Variants in MAST2 observed in about 807,000 individuals in gnomAD.
MAST2 encodes the protein microtubule-associated serine/threonine-protein kinase 2.
Under a neutral mutation model 147.4 loss-of-function variants are expected in MAST2, and 70 were observed. The observed-to-expected ratio is 0.47, with a 90% confidence interval of 0.39 to 0.58. The LOEUF (loss-of-function observed/expected upper bound fraction) is 0.58. MAST2 is among the 20% of genes least tolerant of loss of function. The pLI is 0.00. For synonymous variants in MAST2, 869 were observed against 896.8 expected, an observed-to-expected ratio of 0.97 and a Z score of 0.55; for missense variants, 2,080 against 2,302.3, an observed-to-expected ratio of 0.90 and a Z score of 1.98.
At chr1:46,017,485 A>G (rs1208085054) in intron 10 of MAST2, among the ~76,000 whole-genome samples, 2 of 152,208 alleles carry the variant, frequency 1.3e-5, no homozygotes, top group African/African-American at 4.8e-5. Flanking sequence ...GAAAAAAACA[A>G]CCCCATCAAA....
chr1:46,006,490 A>T (rs1645491985), intron 8 of MAST2, 95 bp downstream of exon 8: 3 of 1,239,268 alleles, frequency 2.4e-6, no homozygotes, highest in East Asian at 5.0e-5. Flanking sequence ...AGGGGCCAAG[A>T]TAGTAAATAT....
intron 5 of MAST2, among the ~76,000 whole-genome samples, chr1:45,979,329 C>T (rs753344036): frequency 3.2e-4 from 49 of 152,062 alleles, no homozygotes; most frequent in Non-Finnish European, 1.3e-4. Context: ...TGGGATGAAT[C>T]ATCACTTACC....
chr1:45,845,372 A>G (rs1236840072), intron 3 of MAST2, among the ~76,000 whole-genome samples: 2 of 151,944 alleles, frequency 1.3e-5, no homozygotes, highest in African/African-American at 2.4e-5. Context: ...TTTATTTTTA[A>G]TTTTCAGAGG....
At chr1:45,964,648 T>A (rs1334450932) in intron 5 of MAST2, among the ~76,000 whole-genome samples, 2 of 152,348 alleles carry the variant, frequency 1.3e-5, no homozygotes, top group Middle Eastern at 3.4e-3. Flanking sequence ...TCAATTTTGT[T>A]GATCTTTTCA....
chr1:45,955,624 A>AGAGG (rs1172898290), intron 4 of MAST2, among the ~76,000 whole-genome samples: 1 of 152,168 alleles, frequency 6.6e-6, no homozygotes, highest in African/African-American at 2.4e-5. Context: ...ACCTGAAGGA[A>AGAGG]GAGGGGAGCA....
intron 3 of MAST2, among the ~76,000 whole-genome samples, chr1:45,858,484 T>G: frequency 6.6e-6 from 1 of 151,810 alleles, no homozygotes; most frequent in Non-Finnish European, 1.5e-5. Context: ...TGTAAATTTG[T>G]TTGAGTTCTT....
chr1:45,965,985 C>A (rs544395510), intron 5 of MAST2, among the ~76,000 whole-genome samples: 18 of 152,126 alleles, frequency 1.2e-4, no homozygotes, highest in Non-Finnish European at 2.5e-4. Context: ...ATCATACAGT[C>A]TTTTCACTGT....
At chr1:45,947,559 A>G (rs1177557484) in intron 4 of MAST2, among the ~76,000 whole-genome samples, 1 of 152,186 alleles carries the variant, frequency 6.6e-6, no homozygotes. Flanking sequence ...TCAGAGAGAG[A>G]AAACAACACC....
chr1:45,946,283 T>C (rs1349604245), intron 4 of MAST2, among the ~76,000 whole-genome samples: 2 of 152,146 alleles, frequency 1.3e-5, no homozygotes, highest in African/African-American at 4.8e-5. Context: ...GTTTTCTTGG[T>C]GGTGGGGAGA....
At chr1:46,018,926 A>C (rs1383685590) in intron 10 of MAST2, among the ~76,000 whole-genome samples, 1 of 152,234 alleles carries the variant, frequency 6.6e-6, no homozygotes, top group Non-Finnish European at 1.5e-5. Context: ...AATGCAGTAC[A>C]TTCTTTACCT....
intron 10 of MAST2, among the ~76,000 whole-genome samples, chr1:46,014,211 CATGTGCACA>C (rs1428379494): frequency 6.6e-6 from 1 of 151,456 alleles, no homozygotes; most frequent in Non-Finnish European, 1.5e-5. Context: ...TTTTAGGGTA[CATGTGCACA>C]ATGTGCAGGT....
intron 3 of MAST2, among the ~76,000 whole-genome samples, chr1:45,872,681 A>G (rs920414757): frequency 6.6e-6 from 1 of 152,070 alleles, no homozygotes; most frequent in Non-Finnish European, 1.5e-5. Context: ...GGGTTTCTCC[A>G]TGTTGGTCAG....
intron 4 of MAST2, among the ~76,000 whole-genome samples, chr1:45,923,113 G>C (rs1305376924): frequency 6.6e-6 from 1 of 152,158 alleles, no homozygotes; most frequent in African/African-American, 2.4e-5. Context: ...GCCCAGCTCT[G>C]CCCTAGTGCC....
rs149884179 is a variant in MAST2 at position 45,922,194 on chromosome 1, T to A, written c.501-37192T>A. On this transcript the variant is annotated intron_variant, in intron 4 of 28. Transcript: ENST00000361297. ...GCCTCAGAGGGGAGGAAGTGCATGC[T>A]GGTTGGTCCATGGGCGGCCATGGGT... Among the ~76,000 whole-genome samples the A allele has an allele frequency of 7.4e-3, 1,125 of 152,282 alleles. 16 individuals are homozygous for A. Among genetic ancestry groups the A allele is most frequent in the African/African-American group, 0.026 (1,062 of 41,566 alleles).
rs946061250 is a variant in MAST2 at position 46,028,672 on chromosome 1, A to G, written c.2053-96A>G. On this transcript the variant is annotated intron_variant, in intron 17 of 28. Transcript: ENST00000361297. Reference sequence around the variant, plus strand: ...AGGTGGGCTGAGTCTTCATTCAGAGATTCTTCTGCTCGAGATGGGAGCATC... The same window carrying G: ...AGGTGGGCTGAGTCTTCATTCAGAGGTTCTTCTGCTCGAGATGGGAGCATC... 4.6e-6 allele frequency: 6 copies of G among 1,310,918 alleles called. No individual in the cohort carries two copies. In the African/African-American group the frequency reaches 8.8e-5, roughly 19 times the overall value. 81.2% of individuals were successfully genotyped at this position (1,310,918 alleles called of 1,614,324 possible). A position where few individuals can be genotyped will look rare whatever the true frequency, so the allele number is the denominator to read the frequency against.
Position 46,035,985 on chromosome 1 carries a change from C to T in MAST2, c.5316C>T (p.Leu1772=). Residue 1772 remains leucine, a synonymous_variant, in exon 29 of 29, where the codon CTC becomes CTT. Coordinates refer to ENST00000361297, the MANE Select transcript of MAST2 (RefSeq NM_015112.3). The surrounding 1 kb of genome is among the most constrained non-coding windows in gnomAD (Gnocchi z 5.5). ...CPLTQKSEPS[L]RRGQEPGGHQ... is the part of the protein sequence containing the mutation. ...TCACCCAGAAGTCTGAGCCCAGCCTCAGGAGGGGCCAAGAACCAGGGGGCC... is the reference window on the plus strand; with the variant it reads ...TCACCCAGAAGTCTGAGCCCAGCCTTAGGAGGGGCCAAGAACCAGGGGGCC... The T allele has an allele frequency of 6.2e-6, 10 of 1,613,870 alleles. No individual in the cohort carries two copies. The highest frequency in any genetic ancestry group is 8.5e-6 in the Non-Finnish European group (10 of 1,180,038).
At chr1:46,006,427 C>A in intron 8 of MAST2, 32 bp downstream of exon 8, 1 of 1,592,764 alleles carries the variant, frequency 6.3e-7, no homozygotes, top group Non-Finnish European at 8.6e-7. Flanking sequence ...TGTTCCAGTG[C>A]ATGTGGATTT....
intron 22 of MAST2, 91 bp downstream of exon 22, chr1:46,030,852 G>A (rs1646631385): frequency 2.0e-6 from 3 of 1,478,276 alleles, no homozygotes; most frequent in African/African-American, 1.4e-5. Flanking sequence ...AGGGAGGAGT[G>A]CAGGTGGCAG....
At chr1:45,861,695 T>A (rs1335977992) in intron 3 of MAST2, among the ~76,000 whole-genome samples, 3 of 151,902 alleles carry the variant, frequency 2.0e-5, no homozygotes, top group African/African-American at 7.3e-5. Flanking sequence ...CTCAATCCCC[T>A]CCCTTCCTTT....
Sources: gnomAD v4.1 joint callset for allele counts (sites outside exome capture counted in the v4.1 genomes callset) on GRCh38, gnomAD v4.1.1 for gene constraint, Gnocchi (gnomAD v3.1) non-coding constraint, MANE v1.5 for transcripts, NCBI Gene and HGNC (gene_info 2026-07-23, HGNC 2026-07-21) for gene names.